Variants in KIZ observed in about 807,000 individuals in gnomAD.
The protein encoded by KIZ is centrosomal protein kizuna.
In KIZ, 68 loss-of-function variants were observed where a neutral mutation model predicts 79.6. The observed-to-expected ratio is 0.85, with a 90% confidence interval of 0.70 to 1.05. The LOEUF (loss-of-function observed/expected upper bound fraction) is 1.05, where lower values mean the gene tolerates loss of function less well. Among genes scored for constraint, KIZ ranks in the 50% least tolerant of loss-of-function variants. The pLI, the probability that KIZ is intolerant of heterozygous loss-of-function variation, is 0.00. For synonymous variants in KIZ, 280 were observed against 281.8 expected, an observed-to-expected ratio of 0.99 and a Z score of 0.06; for missense variants, 797 against 800.4, an observed-to-expected ratio of 1.00 and a Z score of 0.05.
Position 21,238,111 on chromosome 20 carries a change from G to C in KIZ, c.1880+5281G>C, listed in dbSNP as rs574290140. On this transcript the variant is annotated intron_variant, in intron 11 of 12. Coordinates refer to ENST00000619189, the MANE Select transcript of KIZ (RefSeq NM_018474.6). Reference sequence around the variant, plus strand: ...CTCCCAAAGTGCTGGGATTATAGGCGAGCCACCATGCCCAGCGGCAGGTTT... The same window carrying C: ...CTCCCAAAGTGCTGGGATTATAGGCCAGCCACCATGCCCAGCGGCAGGTTT... Among the ~76,000 whole-genome samples the C allele has an allele frequency of 2.2e-4, 33 of 152,156 alleles. 1 individual carries two copies. Among genetic ancestry groups the C allele is most frequent in the African/African-American group, 7.0e-4 (29 of 41,504 alleles).
At chr20:21,173,024 G>A (rs990203688) in intron 6 of KIZ, among the ~76,000 whole-genome samples, 7 of 152,294 alleles carry the variant, frequency 4.6e-5, no homozygotes, top group Non-Finnish European at 8.8e-5. Flanking sequence ...GACGGGAGAA[G>A]CTGGAGTGAG....
intron 6 of KIZ, among the ~76,000 whole-genome samples, chr20:21,164,617 C>A (rs1335789618): frequency 6.6e-6 from 1 of 151,936 alleles, no homozygotes; most frequent in African/African-American, 2.4e-5. Context: ...AGGACTCAGT[C>A]TTTTTCTGAG....
rs1160052910 is a variant in KIZ, at chr20:21,234,749, GA to G, written c.1880+1931del. Reference sequence around the variant, plus strand: ...GAGCTGATGAGCAACCTCAAAAAAAGAAAAAAAAAAAACCCACTGGACCTAA... The same window carrying G: ...GAGCTGATGAGCAACCTCAAAAAAAGAAAAAAAAAAACCCACTGGACCTAA... On this transcript the variant is annotated intron_variant, in intron 11 of 12. Coordinates refer to ENST00000619189, the MANE Select transcript of KIZ (RefSeq NM_018474.6). Among the ~76,000 whole-genome samples the G allele has an allele frequency of 3.0e-3, 123 of 41,442 alleles. 1 individual carries two copies. Among genetic ancestry groups the G allele is most frequent in the Middle Eastern group, 0.015 (1 of 68 alleles). 27.2% of individuals were successfully genotyped at this position (41,442 alleles called of 152,430 possible). A position where few individuals can be genotyped will look rare whatever the true frequency, so the allele number is the denominator to read the frequency against.
At chr20:21,238,756 C>T (rs934633068) in intron 11 of KIZ, among the ~76,000 whole-genome samples, 4 of 152,202 alleles carry the variant, frequency 2.6e-5, no homozygotes, top group Non-Finnish European at 5.9e-5. Flanking sequence ...TCAAGGGCAT[C>T]GAGCGAGTCT....
In KIZ at chr20:21,163,050, C is replaced by A; in HGVS notation, c.1243C>A (p.His415Asn). Reference sequence around the variant, plus strand: ...TGGAATAGAGGCCTTAAAATTAATCCATGCTGAGCAAGAAAGAGTTGCCCT... The same window carrying A: ...TGGAATAGAGGCCTTAAAATTAATCAATGCTGAGCAAGAAAGAGTTGCCCT... ...EDGIEALKLI[H>N]AEQERVALST... Residue 415 changes from histidine (H) to asparagine (N), a missense_variant, in exon 6 of 13, where the codon CAT becomes AAT. Transcript: ENST00000619189. 6.2e-7 allele frequency: 1 copy of A among 1,613,672 alleles called. No individual in the cohort carries two copies. Among genetic ancestry groups the A allele is most frequent in the Non-Finnish European group, 8.5e-7 (1 of 1,179,624 alleles).
At chr20:21,230,654 G>T (rs1404388135) in intron 10 of KIZ, among the ~76,000 whole-genome samples, 1 of 152,192 alleles carries the variant, frequency 6.6e-6, no homozygotes, top group Non-Finnish European at 1.5e-5. Flanking sequence ...TAAGTGCCCA[G>T]CACAGTGCCT....
chr20:21,240,610 A>G (rs2037182698), intron 11 of KIZ, among the ~76,000 whole-genome samples: 1 of 152,240 alleles, frequency 6.6e-6, no homozygotes. Context: ...GTGCGGGGGA[A>G]AGGCAGGCTC....
At chr20:21,187,218 G>T (rs940044941) in intron 6 of KIZ, among the ~76,000 whole-genome samples, 3 of 152,126 alleles carry the variant, frequency 2.0e-5, no homozygotes, top group African/African-American at 7.2e-5. Flanking sequence ...GGGTTCAACA[G>T]CAAACCAGCC....
At chr20:21,233,012 C>A (rs1361633812) in intron 11 of KIZ, 182 bp downstream of exon 11, 5 of 580,534 alleles carry the variant, frequency 8.6e-6, no homozygotes, top group African/African-American at 1.9e-5. Flanking sequence ...TGCACCAGAG[C>A]CAAGTATTGT....
At chr20:21,146,973 G>A (rs2032880036) in intron 4 of KIZ, among the ~76,000 whole-genome samples, 1 of 152,182 alleles carries the variant, frequency 6.6e-6, no homozygotes, top group African/African-American at 2.4e-5. Context: ...GTGGTATGAT[G>A]TGATAGAATT....
At chr20:21,205,158 A>C (rs1427727681) in intron 6 of KIZ, among the ~76,000 whole-genome samples, 4 of 152,170 alleles carry the variant, frequency 2.6e-5, no homozygotes, top group African/African-American at 4.8e-5. Flanking sequence ...ATTTTAAAGT[A>C]AAATGTTTAA....
Position 21,162,077 on chromosome 20 carries a change from A to T in KIZ, c.612A>T (p.Thr204=). The T allele has an allele frequency of 6.2e-7, 1 of 1,613,930 alleles. No individual in the cohort carries two copies. Among genetic ancestry groups the T allele is most frequent in the Non-Finnish European group, 8.5e-7 (1 of 1,179,800 alleles). The part of the protein sequence containing the change: ...HRQTAQSSNV[T]DSCVVQTSND... ...AGACAGCCCAGAGCAGTAATGTGAC[A>T]GACAGCTGTGTAGTACAAACTAGTA... The change falls in exon 5 of 13, where the codon ACA becomes ACT. Residue 204 remains threonine, a synonymous_variant. Transcript: ENST00000619189.
rs758850668 is a variant in KIZ at position 21,163,015 on chromosome 20, A to C, written c.1208A>C (p.Glu403Ala). Residue 403 changes from glutamate (E) to alanine (A), a missense_variant, in exon 6 of 13, where the codon GAG becomes GCG. Physicochemically the swap from Glu to Ala is moderately radical, Grantham distance 107. Coordinates refer to ENST00000619189, the MANE Select transcript of KIZ (RefSeq NM_018474.6). ...EPQPNPGGKMEGEDGIEALKL... is the reference protein window; with the variant it reads ...EPQPNPGGKMAGEDGIEALKL... ...CAGCCAAATCCAGGTGGCAAGATGG[A>C]GGGAGAAGATGGAATAGAGGCCTTA... is the stretch of plus-strand genomic sequence containing the variant. The C allele has an allele frequency of 3.1e-6, 5 of 1,613,926 alleles. No individual in the cohort carries two copies. The highest frequency in any genetic ancestry group is 4.2e-6 in the Non-Finnish European group (5 of 1,179,824).
intron 6 of KIZ, among the ~76,000 whole-genome samples, chr20:21,165,354 CAG>C (rs151082725): frequency 0.014 from 2,085 of 152,212 alleles, 14 homozygotes; most frequent in Non-Finnish European, 0.02. Flanking sequence ...GCAGAGAACA[CAG>C]AGGACATGGG....
chr20:21,167,918 GTTTC>G (rs2034021441), intron 6 of KIZ, among the ~76,000 whole-genome samples: 1 of 152,076 alleles, frequency 6.6e-6, no homozygotes, highest in South Asian at 2.1e-4. Context: ...TTAAAAAATA[GTTTC>G]TTTTTTTTAT....
intron 11 of KIZ, among the ~76,000 whole-genome samples, chr20:21,243,004 G>C (rs906775179): frequency 6.6e-6 from 1 of 152,170 alleles, no homozygotes; most frequent in Non-Finnish European, 1.5e-5. Context: ...CTCAGGTAGG[G>C]GGAGGTGGGG....
chr20:21,188,884 T>G (rs113462767), intron 6 of KIZ, among the ~76,000 whole-genome samples: 9,494 of 151,648 alleles, frequency 0.063, 427 homozygotes, highest in African/African-American at 0.13. Context: ...GTGTGTGTGT[T>G]TTTTTGGTAG....
intron 7 of KIZ, among the ~76,000 whole-genome samples, chr20:21,209,904 T>A (rs2035996745): frequency 1.3e-5 from 2 of 152,254 alleles, no homozygotes; most frequent in Non-Finnish European, 2.9e-5. Context: ...GAAATTGGAT[T>A]TCTTTAGAGC....
chr20:21,205,569 T>C lies in KIZ; in HGVS notation c.1431T>C (p.Asn477=). The change falls in exon 7 of 13, where the codon AAT becomes AAC. Residue 477 remains asparagine (N), a synonymous_variant. Transcript: ENST00000619189. ...QHVATLKEHD[N]SVKEEATALL... ...TTGCCACCTTGAAAGAACATGATAA[T>C]TCTGTCAAAGAAGAGGTAGGTAGCT... The C allele has an allele frequency of 6.6e-7, 1 of 1,522,706 alleles. No homozygotes were observed. Among genetic ancestry groups the C allele is most frequent in the Non-Finnish European group, 9.0e-7 (1 of 1,112,238 alleles). 94.3% of individuals were successfully genotyped at this position (1,522,706 alleles called of 1,614,324 possible).
Sources: allele counts gnomAD v4.1 joint callset (sites outside exome capture counted in the v4.1 genomes callset), GRCh38; gene constraint gnomAD v4.1.1; transcripts MANE v1.5; gene names NCBI Gene and HGNC (gene_info 2026-07-23, HGNC 2026-07-21).